CDK10: variants seen among roughly 807,000 people sequenced by gnomAD.
CDK10 encodes cyclin dependent kinase 10.
In CDK10, 55 loss-of-function variants were observed where a neutral mutation model predicts 51.0. The ratio of observed to expected loss-of-function variants is 1.08; its 90% confidence interval spans 0.87 to 1.35. The LOEUF is 1.35. Ranked by LOEUF, CDK10 falls within the 40% of genes most tolerant of loss-of-function variation. The probability of loss-of-function intolerance (pLI) is 0.00; values close to 1 mark genes in which losing one functional copy is unlikely to be tolerated. For missense variants in CDK10, 589 were observed against 485.1 expected (o/e 1.21, Z -2.01); for synonymous variants, 255 against 199.1 (o/e 1.28, Z -2.36).
Position 89,696,328 on chromosome 16 carries a change from T to C in CDK10, c.*636T>C, listed in dbSNP as rs2060718115. On this transcript the variant is annotated 3_prime_UTR_variant, in exon 13 of 13. Transcript: ENST00000353379. ...TGATGCTGAGCGAAGCTATAGGCTC[T>C]TGTTGGATAAAAGCTTTTTTAACAG... The C allele has an allele frequency of 5.1e-6, 1 of 197,200 alleles. No individual in the cohort carries two copies. The highest frequency in any genetic ancestry group is 1.1e-4 in the South Asian group (1 of 8,778). The allele number at this position is 197,200 out of a possible 1,614,324, so 12.2% of individuals were successfully genotyped here.
At chr16:89,689,165 G>A (rs2151563431) in intron 1 of CDK10, 87 bp from the exon 2 acceptor site, 2 of 1,245,410 alleles carry the variant, frequency 1.6e-6, no homozygotes, top group Non-Finnish European at 2.3e-6. Context: ...ACGTGAGTGG[G>A]CTCCCTGGTA....
intron 6 of CDK10, among the ~76,000 whole-genome samples, chr16:89,693,039 G>C (rs1224059107): frequency 6.6e-6 from 1 of 151,646 alleles, no homozygotes; most frequent in Non-Finnish European, 1.5e-5. Flanking sequence ...TTGGGAGGCC[G>C]AGGCAGGAGA....
chr16:89,691,903 G>T lies in CDK10; in HGVS notation c.417+16G>T, dbSNP rs1195535248. 3 of 1,610,918 alleles carry T rather than the reference G, an allele frequency of 1.9e-6. No homozygotes were observed. The highest frequency in any genetic ancestry group is 1.7e-5 in the Admixed American group (1 of 59,806). Reference sequence around the variant, plus strand: ...GGAGGCTCAGGTGCGTGGCAGAGGGGCCTGGGGTGGGGGAATGGGCTTCAT... The same window carrying T: ...GGAGGCTCAGGTGCGTGGCAGAGGGTCCTGGGGTGGGGGAATGGGCTTCAT... On this transcript the variant is annotated intron_variant, in intron 5 of 12. Coordinates refer to ENST00000353379, the MANE Select transcript of CDK10 (RefSeq NM_052988.5).
rs1258010770 is a variant in CDK10, at chr16:89,686,751, A to C, written c.41A>C (p.Lys14Thr). Residue 14 changes from lysine to threonine, a missense_variant, in exon 1 of 13, where the codon AAG (lysine) becomes ACG (threonine). Transcript: ENST00000353379. ...CTGGAGTGCGAGCAGATCCGTCTGA[A>C]GTGTATTCGTAAGGAGGGCTTCTTC... is the stretch of plus-strand genomic sequence containing the variant. ...PDLECEQIRLKCIRKEGFFTV... is the reference protein window; with the variant it reads ...PDLECEQIRLTCIRKEGFFTV... 1 of 1,612,416 alleles carries C rather than the reference A, an allele frequency of 6.2e-7. No homozygotes were observed. Among genetic ancestry groups the C allele is most frequent in the Admixed American group, 1.7e-5 (1 of 59,942 alleles).
chr16:89,695,125 G>A (rs936960046), intron 11 of CDK10, 55 bp downstream of exon 11: 104 of 1,572,680 alleles, frequency 6.6e-5, no homozygotes, highest in African/African-American at 1.9e-4. Flanking sequence ...TGTCCAGACC[G>A]TTTCCCAGAG....
rs2060664996 is a variant in CDK10, at chr16:89,695,281, T to C, written c.933-12T>C. 1 of 1,607,272 alleles carries C rather than the reference T, an allele frequency of 6.2e-7. No homozygotes were observed. The highest frequency in any genetic ancestry group is 8.5e-7 in the Non-Finnish European group (1 of 1,176,260). On this transcript the variant is annotated splice_polypyrimidine_tract_variant and intron_variant, in intron 11 of 12. Transcript: ENST00000353379. Reference sequence around the variant, plus strand: ...ACTCACAAGTCGCACTAACGCAGGCTGCCTCCTCCAGGGCGACGGCCGGGG... The same window carrying C: ...ACTCACAAGTCGCACTAACGCAGGCCGCCTCCTCCAGGGCGACGGCCGGGG...
intron 6 of CDK10, among the ~76,000 whole-genome samples, chr16:89,692,860 G>C (rs556387534): frequency 6.7e-6 from 1 of 148,326 alleles, no homozygotes; most frequent in Admixed American, 6.7e-5. Context: ...ATACTACGCC[G>C]GGCACAGTGG....
intron 8 of CDK10, 65 bp downstream of exon 8, chr16:89,693,532 G>T (rs762193920): frequency 4.9e-5 from 75 of 1,529,456 alleles, no homozygotes; most frequent in Non-Finnish European, 6.6e-5. Flanking sequence ...TCTCCTTGGG[G>T]ATGTCAGGCC....
rs182692417 is a variant in CDK10, at chr16:89,686,701, A to G, written c.-10A>G. On this transcript the variant is annotated 5_prime_UTR_variant, in exon 1 of 13. Transcript: ENST00000353379. ...GCCTGCGCGCAAGAGAGGCGGGGCCAGCGCTCGGCATGGCGGAGCCAGATC... is the reference window on the plus strand; with the variant it reads ...GCCTGCGCGCAAGAGAGGCGGGGCCGGCGCTCGGCATGGCGGAGCCAGATC... The G allele has an allele frequency of 2.2e-5, 34 of 1,564,702 alleles. 3 individuals are homozygous for G. Among genetic ancestry groups the G allele is most frequent in the Middle Eastern group, 1.7e-4 (1 of 5,894 alleles).
rs540848457 is a variant in CDK10, at chr16:89,694,823, G to A, written c.792+35G>A. The A allele has an allele frequency of 1.0e-5, 12 of 1,204,502 alleles. No homozygotes were observed. The South Asian group carries it at 1.1e-4, about 11-fold the overall frequency. 74.6% of individuals were successfully genotyped at this position (1,204,502 alleles called of 1,614,324 possible). A position where few individuals can be genotyped will look rare whatever the true frequency, so the allele number is the denominator to read the frequency against. On this transcript the variant is annotated intron_variant, in intron 10 of 12. Coordinates refer to ENST00000353379, the MANE Select transcript of CDK10 (RefSeq NM_052988.5). The stretch of plus-strand genomic sequence containing the variant: ...CTGGGCAGACCCGCAGCCCCCGCCC[G>A]TGCCCACGCCCTCTGCGCCCGCAGC...
At chr16:89,693,137 CAAAAA>C (rs56171201) in intron 6 of CDK10, 132 bp from the exon 7 acceptor site, 34 of 572,732 alleles carry the variant, frequency 5.9e-5, no homozygotes, top group Middle Eastern at 4.7e-4. Context: ...GACTCTGTCT[CAAAAA>C]AAAAAAAAAA....
At chr16:89,692,086 A>C in intron 5 of CDK10, 199 bp downstream of exon 5, 1 of 609,960 alleles carries the variant, frequency 1.6e-6, no homozygotes, top group Non-Finnish European at 2.9e-6. Context: ...CCCAGGGCCG[A>C]GAGCCTTATG....
In CDK10 at chr16:89,689,281, T is replaced by C. The variant is rs777775539; in HGVS notation, c.117T>C (p.Phe39=). The change falls in exon 2 of 13, where the codon TTT becomes TTC. Residue 39 remains phenylalanine (F), a synonymous_variant. Coordinates refer to ENST00000353379, the MANE Select transcript of CDK10 (RefSeq NM_052988.5). ...GACGATGCCGGAGTGTGAAGGAGTT[T>C]GAGAAGCTGAACCGCATTGGAGAGG... ...RLGRCRSVKE[F]EKLNRIGEGT... is the part of the protein sequence containing the mutation. 2 of 1,614,064 alleles carry C rather than the reference T, an allele frequency of 1.2e-6. No homozygotes were observed. The highest frequency in any genetic ancestry group is 2.2e-5 in the South Asian group (2 of 91,080).
At chr16:89,693,153 A>AT in intron 6 of CDK10, 121 bp from the exon 7 acceptor site, 4 of 757,876 alleles carry the variant, frequency 5.3e-6, no homozygotes, top group East Asian at 2.7e-5. Flanking sequence ...AAAAAAAAAA[A>AT]GATACTAAAA....
At chr16:89,690,225 A>G in intron 2 of CDK10, 1 of 342,030 alleles carries the variant, frequency 2.9e-6, no homozygotes, top group Non-Finnish European at 5.4e-6. Context: ...ATTTGCTTTT[A>G]GGACATTACA....
intron 6 of CDK10, 155 bp downstream of exon 6, chr16:89,692,671 GTCTC>G (rs1486560057): frequency 6.0e-6 from 3 of 501,250 alleles, no homozygotes; most frequent in Non-Finnish European, 1.1e-5. Context: ...TAGAGAAGGG[GTCTC>G]TCTGTGTTGC....
At position 89,692,533 on chromosome 16, in the gene CDK10, C is replaced by A; in HGVS notation, c.485+17C>A. ...TATCCACAGGTGGGTGACAGCTAGG[C>A]AGAGTTGGAAGCACAAATTCGGCTG... On this transcript the variant is annotated intron_variant, in intron 6 of 12. Transcript: ENST00000353379. 1 of 1,566,368 alleles carries A rather than the reference C, an allele frequency of 6.4e-7. No homozygotes were observed. Among genetic ancestry groups the A allele is most frequent in the East Asian group, 2.4e-5 (1 of 41,384 alleles).
chr16:89,692,305 G>A, intron 5 of CDK10, 144 bp from the exon 6 acceptor site: 1 of 595,948 alleles, frequency 1.7e-6, no homozygotes, highest in Admixed American at 3.5e-5. Flanking sequence ...GGAGCGTGCA[G>A]CCCCGGGGCC....
At chr16:89,688,384 C>T (rs900802571) in intron 1 of CDK10, among the ~76,000 whole-genome samples, 2 of 152,114 alleles carry the variant, frequency 1.3e-5, no homozygotes, top group East Asian at 1.9e-4. Flanking sequence ...GCCCGGCTTA[C>T]ATGTGCTTCT....
Sources: allele counts gnomAD v4.1 joint callset (sites outside exome capture counted in the v4.1 genomes callset), GRCh38; gene constraint gnomAD v4.1.1; transcripts MANE v1.5; gene names NCBI Gene and HGNC (gene_info 2026-07-23, HGNC 2026-07-21).